Variants in GRM5 observed in about 807,000 individuals in gnomAD.
GRM5 encodes the protein glutamate metabotropic receptor 5, also known as metabotropic glutamate receptor 5.
In GRM5, 19 loss-of-function variants were observed where a neutral mutation model predicts 83.1. That is an observed-to-expected ratio of 0.23 (90% confidence interval 0.16 to 0.34). GRM5 has a LOEUF of 0.34. Among genes scored for constraint, GRM5 ranks in the 10% least tolerant of loss-of-function variants. The pLI is 1.00. For synonymous variants in GRM5, 675 were observed against 633.6 expected (o/e 1.07, Z -0.98); for missense variants, 1,160 against 1,588.3 (o/e 0.73, Z 4.58).
intron 2 of GRM5, among the ~76,000 whole-genome samples, chr11:88,903,387 C>T (rs1405546073): frequency 1.3e-5 from 2 of 152,162 alleles, no homozygotes; most frequent in African/African-American, 4.8e-5. Flanking sequence ...TCAGCAATCC[C>T]ACTACTGGCT....
chr11:88,824,145 G>T (rs1282596397), intron 3 of GRM5, among the ~76,000 whole-genome samples: 1 of 151,944 alleles, frequency 6.6e-6, no homozygotes, highest in South Asian at 2.1e-4. Flanking sequence ...AGATTTAAGG[G>T]CAATGTTTCT....
rs143452561 is a variant in GRM5 at position 88,693,475 on chromosome 11, T to C, written c.912-40072A>G. On this transcript the variant is annotated intron_variant, in intron 3 of 9. Coordinates refer to ENST00000305447, the MANE Select transcript of GRM5 (RefSeq NM_001143831.3). ...CATTCCTGTCTGATTCTGAAAATGT[T>C]GAGAAACAAAAGATGGAGGAAAAAA... Among the ~76,000 whole-genome samples the C allele has an allele frequency of 2.6e-3, 391 of 152,202 alleles. 1 individual carries two copies. Among genetic ancestry groups the C allele is most frequent in the African/African-American group, 9.1e-3 (376 of 41,520 alleles).
At chr11:88,647,691 G>T (rs1591408882) in intron 4 of GRM5, among the ~76,000 whole-genome samples, 3 of 152,212 alleles carry the variant, frequency 2.0e-5, no homozygotes, top group East Asian at 1.9e-4. Flanking sequence ...CACAGCAAAA[G>T]AAACTACCAT....
At position 88,755,991 on chromosome 11, in the gene GRM5, G is replaced by A. The variant is rs190939891; in HGVS notation, c.911+93915C>T. ...ACTCTACAAAAACAAACAGAGGTTG[G>A]GACTGATTGTCCTCACCATGAACAA... On this transcript the variant is annotated intron_variant, in intron 3 of 9. Transcript: ENST00000305447. Among the ~76,000 whole-genome samples the A allele has an allele frequency of 2.2e-3, 336 of 152,138 alleles. 1 individual carries two copies. The highest frequency in any genetic ancestry group is 6.8e-3 in the Middle Eastern group (2 of 294).
intron 4 of GRM5, among the ~76,000 whole-genome samples, chr11:88,650,548 C>T (rs1939603998): frequency 6.6e-6 from 1 of 151,934 alleles, no homozygotes; most frequent in East Asian, 1.9e-4. Flanking sequence ...CAGGTATTAA[C>T]AAGGGTGTGG....
In GRM5 at chr11:88,504,642, T is replaced by A. The variant is rs567116729; in HGVS notation, c.*3950A>T. The A allele has an allele frequency of 6.6e-6, 1 of 152,214 alleles. No individual in the cohort carries two copies. The highest frequency in any genetic ancestry group is 2.1e-4 in the South Asian group (1 of 4,822). The allele number at this position is 152,214 out of a possible 1,614,324, so 9.4% of individuals were successfully genotyped here. A position where few individuals can be genotyped will look rare whatever the true frequency, so the allele number is the denominator to read the frequency against. ...TTCACAAACACCAAGTACAACATGA[T>A]TTAGACAACTGAGAAACAGGCAAGT... On this transcript the variant is annotated 3_prime_UTR_variant, in exon 10 of 10. Transcript: ENST00000305447.
Position 88,903,651 on chromosome 11 carries a change from A to G in GRM5, c.662-53496T>C, listed in dbSNP as rs182528937. 1.4e-4 allele frequency among the ~76,000 whole-genome samples: 22 copies of G among 152,330 alleles called. No individual in the cohort carries two copies. In the East Asian group the frequency reaches 4.2e-3, roughly 29 times the overall value. ...TAAGTAAAACAAATCAGACACAGAAATACAAATTCAACATTCTCACTTACA... is the reference window on the plus strand; with the variant it reads ...TAAGTAAAACAAATCAGACACAGAAGTACAAATTCAACATTCTCACTTACA... On this transcript the variant is annotated intron_variant, in intron 2 of 9. Coordinates refer to ENST00000305447, the MANE Select transcript of GRM5 (RefSeq NM_001143831.3).
chr11:88,510,645 A>T (rs308886), intron 9 of GRM5, among the ~76,000 whole-genome samples: 34,988 of 152,044 alleles, frequency 0.23, 4,290 homozygotes, highest in African/African-American at 0.31. Context: ...GCTTCCTGAG[A>T]AGCTGGGATT....
At chr11:88,734,863 G>A (rs984562812) in intron 3 of GRM5, among the ~76,000 whole-genome samples, 1 of 151,988 alleles carries the variant, frequency 6.6e-6, no homozygotes, top group East Asian at 1.9e-4. Flanking sequence ...TTCCAGAGAT[G>A]GAGTCAACAA....
chr11:88,549,768 G>A (rs1942463169), intron 8 of GRM5, among the ~76,000 whole-genome samples: 2 of 152,056 alleles, frequency 1.3e-5, no homozygotes, highest in African/African-American at 4.8e-5. Context: ...GGCTCTGTGA[G>A]CCATGTGAAA....
At chr11:88,858,649 T>C (rs1944512217) in intron 2 of GRM5, among the ~76,000 whole-genome samples, 2 of 152,068 alleles carry the variant, frequency 1.3e-5, no homozygotes, top group Non-Finnish European at 2.9e-5. Flanking sequence ...GTTTGGTAGA[T>C]TCCTGAGCCC....
rs148031065 is a variant in GRM5 at position 88,522,275 on chromosome 11, G to T, written c.2726+3034C>A. On this transcript the variant is annotated intron_variant, in intron 9 of 9. Transcript: ENST00000305447. ...CATACATAGAGTTAACCTTTCTTCAGCCCTTCTATTCCATTCCTGAGTAAG... is the reference window on the plus strand; with the variant it reads ...CATACATAGAGTTAACCTTTCTTCATCCCTTCTATTCCATTCCTGAGTAAG... 1.6e-3 allele frequency among the ~76,000 whole-genome samples: 248 copies of T among 152,228 alleles called. 7 individuals are homozygous for T. The East Asian group carries it at 0.037, about 23-fold the overall frequency.
At chr11:88,884,660 T>A (rs1363618984) in intron 2 of GRM5, among the ~76,000 whole-genome samples, 2 of 152,194 alleles carry the variant, frequency 1.3e-5, no homozygotes, top group African/African-American at 4.8e-5. Flanking sequence ...TTCCCATGTG[T>A]CATGAGAGGG....
At chr11:88,944,087 T>C (rs1938197564) in intron 2 of GRM5, among the ~76,000 whole-genome samples, 1 of 152,050 alleles carries the variant, frequency 6.6e-6, no homozygotes, top group Non-Finnish European at 1.5e-5. Flanking sequence ...AGCTGCATCT[T>C]GAAGGATAAG....
At chr11:88,761,900 T>TA (rs1340315050) in intron 3 of GRM5, among the ~76,000 whole-genome samples, 1 of 151,842 alleles carries the variant, frequency 6.6e-6, no homozygotes, top group Non-Finnish European at 1.5e-5. Context: ...ATGCCACACT[T>TA]ACAACCATCT....
intron 3 of GRM5, among the ~76,000 whole-genome samples, chr11:88,796,912 G>A (rs1005029334): frequency 5.5e-4 from 64 of 116,830 alleles, no homozygotes; most frequent in African/African-American, 3.3e-3. Flanking sequence ...GTGTGTGTGT[G>A]TGTGTGTGTG....
chr11:88,803,720 A>G (rs2135489290), intron 3 of GRM5, among the ~76,000 whole-genome samples: 1 of 152,270 alleles, frequency 6.6e-6, no homozygotes, highest in Non-Finnish European at 1.5e-5. Context: ...CTACACAGCA[A>G]AAGAAACTAC....
chr11:88,877,343 TAGAA>T (rs895329451), intron 2 of GRM5, among the ~76,000 whole-genome samples: 10 of 151,974 alleles, frequency 6.6e-5, no homozygotes, highest in African/African-American at 2.4e-4. Context: ...ACACAAGTAT[TAGAA>T]AGACTACAGT....
chr11:88,795,500 AG>A (rs1169801959), intron 3 of GRM5, among the ~76,000 whole-genome samples: 2 of 152,238 alleles, frequency 1.3e-5, no homozygotes, highest in African/African-American at 4.8e-5. Context: ...TAATAGTGAA[AG>A]GATTGCTTTC....
Sources: gnomAD v4.1 joint callset for allele counts (sites outside exome capture counted in the v4.1 genomes callset) on GRCh38, gnomAD v4.1.1 for gene constraint, MANE v1.5 for transcripts, NCBI Gene and HGNC (gene_info 2026-07-23, HGNC 2026-07-21) for gene names.